FNDC1: variants seen among roughly 807,000 people sequenced by gnomAD.
FNDC1 encodes fibronectin type III domain-containing protein 1.
In FNDC1, 96 loss-of-function variants were observed where a neutral mutation model predicts 168.0. The observed-to-expected ratio is 0.57, with a 90% CI of 0.48 to 0.68. The LOEUF is 0.68. Among genes scored for constraint, FNDC1 ranks in the 30% least tolerant of loss-of-function variants. The pLI is 0.00. For synonymous variants in FNDC1, 1,099 were observed against 1,025.9 expected, an observed-to-expected ratio of 1.07 and a Z score of -1.36; for missense variants, 2,587 against 2,482.1, an observed-to-expected ratio of 1.04 and a Z score of -0.90.
At chr6:159,237,352 A>G (rs560664492) in intron 12 of FNDC1, among the ~76,000 whole-genome samples, 1 of 152,302 alleles carries the variant, frequency 6.6e-6, no homozygotes, top group African/African-American at 2.4e-5. Context: ...TTTGTCAAAT[A>G]CAAGTCTCGG....
rs200153228 is a variant in FNDC1, at chr6:159,271,345, G to A, written c.5588G>A (p.Arg1863His). The change falls in exon 23 of 23, where the codon CGT becomes CAT. Residue 1863 changes from arginine to histidine, a missense_variant. Arg to His is a conservative substitution (Grantham distance 29, BLOSUM62 0). Transcript: ENST00000297267. Reference protein sequence around the residue: ...PTIQGYYRQYRQEPVRFGNIG... With the variant: ...PTIQGYYRQYHQEPVRFGNIG... ...CTTCCAGGCTACTATCGCCAGTATCGTCAGGAGCCTGTCAGGTTTGGGAAC... is the reference window on the plus strand; with the variant it reads ...CTTCCAGGCTACTATCGCCAGTATCATCAGGAGCCTGTCAGGTTTGGGAAC... 633 of 1,610,206 alleles carry A rather than the reference G, an allele frequency of 3.9e-4. 3 individuals are homozygous for A. Among genetic ancestry groups the A allele is most frequent in the Non-Finnish European group, 1.1e-4 (125 of 1,178,454 alleles).
rs1456671076 is a variant in FNDC1, at chr6:159,223,520, C to T, written c.767-8C>T. 2 of 1,596,732 alleles carry T rather than the reference C, an allele frequency of 1.3e-6. No homozygotes were observed. Among genetic ancestry groups the T allele is most frequent in the Non-Finnish European group, 1.7e-6 (2 of 1,167,784 alleles). On this transcript the variant is annotated splice_polypyrimidine_tract_variant and splice_region_variant and intron_variant, in intron 6 of 22. Transcript: ENST00000297267. Reference sequence around the variant, plus strand: ...AAAGCCTTTCTCTGGGTCTCGTTGTCATTTCAGAAGAGGACGAATTGGATG... The same window carrying T: ...AAAGCCTTTCTCTGGGTCTCGTTGTTATTTCAGAAGAGGACGAATTGGATG...
At chr6:159,186,784 A>C (rs1375314771) in intron 1 of FNDC1, among the ~76,000 whole-genome samples, 1 of 152,220 alleles carries the variant, frequency 6.6e-6, no homozygotes, top group Non-Finnish European at 1.5e-5. Context: ...GATCTGACAA[A>C]TGCCATTTAA....
At chr6:159,205,378 GT>G (rs1443146925) in intron 4 of FNDC1, among the ~76,000 whole-genome samples, 2 of 152,162 alleles carry the variant, frequency 1.3e-5, no homozygotes, top group East Asian at 3.8e-4. Context: ...GATCTTGCTG[GT>G]TTATTTAAAT....
rs1777204180 is a variant in FNDC1 at position 159,249,149 on chromosome 6, G to A, written c.4801G>A (p.Glu1601Lys). 1 of 1,611,450 alleles carries A rather than the reference G, an allele frequency of 6.2e-7. No individual in the cohort carries two copies. Among genetic ancestry groups the A allele is most frequent in the East Asian group, 2.2e-5 (1 of 44,868 alleles). ...CGCCATCAGTTCCTTTCCTGAAGAAGAATTTGATCTGGCTGGAAGGAAACG... is the reference window on the plus strand; with the variant it reads ...CGCCATCAGTTCCTTTCCTGAAGAAAAATTTGATCTGGCTGGAAGGAAACG... The part of the protein sequence containing the change: ...EGAISSFPEE[E>K]FDLAGRKRFV... The change falls in exon 16 of 23, where the codon GAA becomes AAA. Residue 1601 changes from glutamate (E) to lysine (K), a missense_variant. Physicochemically the swap from Glu to Lys is moderately conservative, Grantham distance 56 (BLOSUM62 1). Coordinates refer to ENST00000297267, the MANE Select transcript of FNDC1 (RefSeq NM_032532.3).
At chr6:159,257,993 G>A (rs568119416) in intron 18 of FNDC1, among the ~76,000 whole-genome samples, 3 of 150,714 alleles carry the variant, frequency 2.0e-5, no homozygotes, top group Admixed American at 6.6e-5. Context: ...CCTTCCAGAG[G>A]CCTTGCCACA....
At position 159,234,251 on chromosome 6, in the gene FNDC1, C is replaced by T; in HGVS notation, c.3739C>T (p.Pro1247Ser). The T allele has an allele frequency of 1.3e-6, 2 of 1,592,100 alleles. No individual in the cohort carries two copies. Among genetic ancestry groups the T allele is most frequent in the Non-Finnish European group, 1.7e-6 (2 of 1,169,332 alleles). Residue 1247 changes from proline to serine, a missense_variant, in exon 11 of 23, where the codon CCT becomes TCT. Pro to Ser is a moderately conservative substitution (Grantham distance 74). Coordinates refer to ENST00000297267, the MANE Select transcript of FNDC1 (RefSeq NM_032532.3). Reference protein sequence around the residue: ...LAPVKRPLPPPPGSSPRASHV... With the variant: ...LAPVKRPLPPSPGSSPRASHV... ...TCCTGTGAAGCGACCTCTCCCCCCACCTCCAGGCAGCTCCCCCAGGGCCTC... is the reference window on the plus strand; with the variant it reads ...TCCTGTGAAGCGACCTCTCCCCCCATCTCCAGGCAGCTCCCCCAGGGCCTC...
At chr6:159,266,008 C>T in intron 20 of FNDC1, 76 bp from the exon 21 acceptor site, 1 of 1,492,676 alleles carries the variant, frequency 6.7e-7, no homozygotes, top group Non-Finnish European at 9.2e-7. Context: ...GAAGTCAGTG[C>T]AATTTCCTGG....
intron 14 of FNDC1, among the ~76,000 whole-genome samples, chr6:159,240,274 T>C (rs1448943203): frequency 1.3e-5 from 2 of 152,248 alleles, no homozygotes; most frequent in Non-Finnish European, 1.5e-5. Context: ...AGAATTTAGC[T>C]GAAACTTGTG....
At chr6:159,242,740 C>G (rs895679534) in intron 14 of FNDC1, among the ~76,000 whole-genome samples, 3 of 152,222 alleles carry the variant, frequency 2.0e-5, no homozygotes, top group Non-Finnish European at 4.4e-5. Flanking sequence ...CATACTTTCT[C>G]TCTCTATGGA....
At chr6:159,240,047 A>C in intron 14 of FNDC1, 90 bp downstream of exon 14, 2 of 1,261,810 alleles carry the variant, frequency 1.6e-6, no homozygotes, top group Non-Finnish European at 2.1e-6. Flanking sequence ...CAGGGGAGGT[A>C]TGAGCACCGT....
chr6:159,215,095 AGAT>A lies in FNDC1; in HGVS notation c.614_616del (p.Met205del), dbSNP rs749097335. The A allele has an allele frequency of 1.4e-5, 23 of 1,614,076 alleles. No individual in the cohort carries two copies. In the East Asian group the frequency reaches 4.7e-4, roughly 33 times the overall value. On this transcript the variant is annotated inframe_deletion, in exon 5 of 23. Transcript: ENST00000297267. ...CTGGGCTACGGGGAGAGTGGCCGGA[AGAT>A]GAATTATGTTCCACTGACAAGAGAT...
intron 1 of FNDC1, among the ~76,000 whole-genome samples, chr6:159,181,790 T>C (rs1211045778): frequency 6.6e-6 from 1 of 152,242 alleles, no homozygotes; most frequent in Non-Finnish European, 1.5e-5. Flanking sequence ...GTCTAGATTG[T>C]ATTTTCTAAT....
At position 159,234,330 on chromosome 6, in the gene FNDC1, C is replaced by G; in HGVS notation, c.3818C>G (p.Ala1273Gly). The change falls in exon 11 of 23, where the codon GCG (alanine) becomes GGG (glycine). Residue 1273 changes from alanine to glycine, a missense_variant. Transcript: ENST00000297267. ...AGCGCTGCCACCGTGAGCCCCGTCG[C>G]GGGCACCCACCCCTGGCCGCAGTAC... ...PRSAATVSPV[A>G]GTHPWPQYTT... 1 of 1,610,502 alleles carries G rather than the reference C, an allele frequency of 6.2e-7. No homozygotes were observed.
chr6:159,183,099 T>C (rs1781917448), intron 1 of FNDC1, among the ~76,000 whole-genome samples: 1 of 152,204 alleles, frequency 6.6e-6, no homozygotes, highest in Non-Finnish European at 1.5e-5. Context: ...CTCACATGTG[T>C]GGAGTGTTTT....
chr6:159,185,803 A>G (rs1781983808), intron 1 of FNDC1, among the ~76,000 whole-genome samples: 1 of 152,224 alleles, frequency 6.6e-6, no homozygotes, highest in African/African-American at 2.4e-5. Context: ...CCTAGCTGCA[A>G]GGGAAGCTGA....
At chr6:159,264,614 A>G (rs555535427) in intron 19 of FNDC1, among the ~76,000 whole-genome samples, 2 of 152,344 alleles carry the variant, frequency 1.3e-5, no homozygotes, top group South Asian at 4.1e-4. Flanking sequence ...GACTGAGTGG[A>G]ATGGATGGAT....
At chr6:159,244,009 C>T (rs1000366508) in intron 14 of FNDC1, among the ~76,000 whole-genome samples, 1 of 152,132 alleles carries the variant, frequency 6.6e-6, no homozygotes, top group African/African-American at 2.4e-5. Flanking sequence ...CACCAGAGTC[C>T]ATGAAGGAAA....
At chr6:159,268,740 A>ATCTATCTG (rs1012475850) in intron 22 of FNDC1, among the ~76,000 whole-genome samples, 1 of 148,894 alleles carries the variant, frequency 6.7e-6, no homozygotes, top group Non-Finnish European at 1.5e-5. Flanking sequence ...CTATCTATCT[A>ATCTATCTG]TCATCCATCC....
Sources: gnomAD v4.1 joint callset for allele counts (sites outside exome capture counted in the v4.1 genomes callset) on GRCh38, gnomAD v4.1.1 for gene constraint, MANE v1.5 for transcripts, NCBI Gene and HGNC (gene_info 2026-07-23, HGNC 2026-07-21) for gene names.